The following GRK6 variants were observed in gnomAD, a reference collection of about 807,000 sequenced individuals.
GRK6 encodes the protein G protein-coupled receptor kinase 6.
In GRK6, 37 loss-of-function variants were observed where a neutral mutation model predicts 80.8. The observed-to-expected ratio is 0.46, with a 90% CI of 0.35 to 0.60. The LOEUF (loss-of-function observed/expected upper bound fraction) is 0.60, where lower values mean the gene tolerates loss of function less well. Among genes scored for constraint, GRK6 ranks in the 20% least tolerant of loss-of-function variants. The probability of loss-of-function intolerance (pLI) is 0.00; values close to 1 mark genes in which losing one functional copy is unlikely to be tolerated. For missense variants in GRK6, 560 were observed against 784.6 expected, an observed-to-expected ratio of 0.71 and a Z score of 3.42; for synonymous variants, 295 against 320.9, an observed-to-expected ratio of 0.92 and a Z score of 0.86.
rs1432872546 is a variant in GRK6, at chr5:177,428,130, TTATCGAGCCCATGGG to T, written c.52+1234_52+1248del. Among the ~76,000 whole-genome samples the T allele has an allele frequency of 6.6e-6, 1 of 152,208 alleles. No homozygotes were observed. Among genetic ancestry groups the T allele is most frequent in the East Asian group, 1.9e-4 (1 of 5,198 alleles). ...GGGAGCCTGTCTTATCCCCTGTCCC[TTATCGAGCCCATGGG>T]CTAGGCCTTCCTCCCAGCCTCTGGG... On this transcript the variant is annotated intron_variant, in intron 1 of 15. Transcript: ENST00000355472. This position sits in a 1 kb window ranked among gnomAD's most constrained non-coding sequence, Gnocchi z 4.1.
intron 13 of GRK6, among the ~76,000 whole-genome samples, chr5:177,440,489 T>A (rs1329833797): frequency 6.6e-6 from 1 of 152,226 alleles, no homozygotes. Context: ...CAGTGAGGAA[T>A]AACGTACGCA....
intron 1 of GRK6, 59 bp from the exon 2 acceptor site, chr5:177,430,813 A>G (rs975134942): frequency 2.7e-6 from 4 of 1,476,646 alleles, no homozygotes; most frequent in East Asian, 4.5e-5. Flanking sequence ...CGCACTGAGG[A>G]CCCAGAGGCA....
chr5:177,429,525 G>A lies in GRK6; in HGVS notation c.53-1347G>A, dbSNP rs1196789376. On this transcript the variant is annotated intron_variant, in intron 1 of 15. Transcript: ENST00000355472. This position sits in a 1 kb window ranked among gnomAD's most constrained non-coding sequence, Gnocchi z 4.3. ...TGGGTGTCTGTTGCTCACTCACAGT[G>A]AAGCAATGACTGCAGGGCATGTTCG... 6.6e-6 allele frequency among the ~76,000 whole-genome samples: 1 copy of A among 152,166 alleles called. No homozygotes were observed. Among genetic ancestry groups the A allele is most frequent in the East Asian group, 1.9e-4 (1 of 5,196 alleles).
intron 5 of GRK6, 43 bp downstream of exon 5, chr5:177,432,849 G>A: frequency 1.4e-6 from 2 of 1,450,940 alleles, no homozygotes; most frequent in South Asian, 1.2e-5. Context: ...ATGCCCAGCG[G>A]AGGGGGCTTC....
In GRK6 at chr5:177,430,875, G is replaced by A. The variant is rs2127371348; in HGVS notation, c.56G>A (p.Gly19Asp). The change falls in exon 2 of 16, where the codon GGC becomes GAC. Residue 19 changes from glycine to aspartate, a missense_variant. Around this residue, in one of 3 missense-constraint regions of GRK6, gnomAD observed 189 missense variants for 230.2 expected, o/e 0.82. Transcript: ENST00000355472. Reference sequence around the variant, plus strand: ...CAGTGTCCTATTGCTCCCACAGGTGGCGGTGGAAATCGCAAAGGCAAAAGC... The same window carrying A: ...CAGTGTCCTATTGCTCCCACAGGTGACGGTGGAAATCGCAAAGGCAAAAGC... Reference protein sequence around the residue: ...NTVLLKAREGGGGNRKGKSKK... With the variant: ...NTVLLKAREGDGGNRKGKSKK... 1.2e-6 allele frequency: 2 copies of A among 1,613,958 alleles called. No homozygotes were observed. The highest frequency in any genetic ancestry group is 1.7e-6 in the Non-Finnish European group (2 of 1,179,876).
chr5:177,435,961 CT>C (rs1296536151), intron 11 of GRK6, 111 bp from the exon 12 acceptor site: 24 of 886,020 alleles, frequency 2.7e-5, no homozygotes, highest in Non-Finnish European at 4.1e-5. Flanking sequence ...AAGGTCCCCC[CT>C]GGCCAGCGGG....
At chr5:177,427,258 A>AC (rs1763711680) in intron 1 of GRK6, among the ~76,000 whole-genome samples, 1 of 152,128 alleles carries the variant, frequency 6.6e-6, no homozygotes, top group Admixed American at 6.5e-5. Context: ...AGGGGCCCAG[A>AC]CCCCAGCACC....
rs554000650 is a variant in GRK6, at chr5:177,429,041, G to A, written c.53-1831G>A. Among the ~76,000 whole-genome samples, 2 of 152,290 alleles carry A rather than the reference G, an allele frequency of 1.3e-5. No individual in the cohort carries two copies. The highest frequency in any genetic ancestry group is 1.9e-4 in the East Asian group (1 of 5,180). On this transcript the variant is annotated intron_variant, in intron 1 of 15. Transcript: ENST00000355472. The surrounding 1 kb of genome is among the most constrained non-coding windows in gnomAD (Gnocchi z 4.3). ...GCTTGGGTTGTGGCCATAGGGAGCT[G>A]GGTACGAATCCTGTACCCAGGATTG...
intron 1 of GRK6, among the ~76,000 whole-genome samples, chr5:177,427,716 G>C (rs1367163364): frequency 1.3e-5 from 2 of 152,162 alleles, no homozygotes; most frequent in African/African-American, 4.8e-5. Flanking sequence ...TCAGTAACAT[G>C]ATCACTGACC....
In GRK6 at chr5:177,433,239, G is replaced by C. The variant is rs764091020; in HGVS notation, c.533G>C (p.Arg178Thr). ...NRFLQWKWLE[R>T]QPVTKNTFRQ... ...TTCCTGCAGTGGAAGTGGCTGGAAA[G>C]GTGAGCTCCCTGAAGGCTGGGCCGG... Residue 178 changes from arginine (R) to threonine (T), a missense_variant and splice_region_variant, in exon 6 of 16, where the codon AGG (arginine) becomes ACG (threonine). By Grantham distance (71) the Arg-to-Thr change is moderately conservative. Coordinates refer to ENST00000355472, the MANE Select transcript of GRK6 (RefSeq NM_001004106.3). The C allele has an allele frequency of 1.2e-6, 2 of 1,614,152 alleles. No individual in the cohort carries two copies. The highest frequency in any genetic ancestry group is 1.7e-6 in the Non-Finnish European group (2 of 1,180,006).
chr5:177,436,723 G>A, intron 13 of GRK6, 193 bp downstream of exon 13: 1 of 595,644 alleles, frequency 1.7e-6, no homozygotes, highest in South Asian at 2.2e-5. Flanking sequence ...TGCCTGGATG[G>A]GGCTTGGAGC....
At chr5:177,426,539 G>A (rs891182210), upstream of GRK6, 1 of 151,800 alleles carries the variant, frequency 6.6e-6, no homozygotes. Context: ...TCCCCAGCTG[G>A]GGGGGCGGGG....
intron 14 of GRK6, 38 bp downstream of exon 14, chr5:177,440,875 G>A: frequency 6.2e-7 from 1 of 1,613,708 alleles, no homozygotes; most frequent in Non-Finnish European, 8.5e-7. Context: ...GGCTCCAGGA[G>A]GCTGCCCTGG....
rs200876617 is a variant in GRK6 at position 177,436,097 on chromosome 5, G to A, written c.1082G>A (p.Arg361Gln). The A allele has an allele frequency of 9.9e-6, 16 of 1,613,850 alleles. No homozygotes were observed. The highest frequency in any genetic ancestry group is 8.0e-5 in the African/African-American group (6 of 75,038). ...YMAPEVVKNE[R>Q]YTFSPDWWAL... Reference sequence around the variant, plus strand: ...GCTCCGGAGGTGGTGAAGAATGAACGGTACACGTTCAGCCCTGACTGGTGG... The same window carrying A: ...GCTCCGGAGGTGGTGAAGAATGAACAGTACACGTTCAGCCCTGACTGGTGG... The change falls in exon 12 of 16, where the codon CGG becomes CAG. Residue 361 changes from arginine to glutamine, a missense_variant. Physicochemically the swap from Arg to Gln is conservative, Grantham distance 43. Coordinates refer to ENST00000355472, the MANE Select transcript of GRK6 (RefSeq NM_001004106.3).
In GRK6 at chr5:177,433,198, C is replaced by T; in HGVS notation, c.492C>T (p.Ser164=). The T allele has an allele frequency of 1.9e-6, 3 of 1,614,210 alleles. No individual in the cohort carries two copies. The highest frequency in any genetic ancestry group is 2.5e-6 in the Non-Finnish European group (3 of 1,180,026). ...CCCCTTTTGCCGACTACCTCGACAGCATCTACTTCAACCGTTTCCTGCAGT... is the reference window on the plus strand; with the variant it reads ...CCCCTTTTGCCGACTACCTCGACAGTATCTACTTCAACCGTTTCCTGCAGT... ...SVAPFADYLD[S]IYFNRFLQWK... Residue 164 remains serine, a synonymous_variant, in exon 6 of 16, where the codon AGC becomes AGT. Coordinates refer to ENST00000355472, the MANE Select transcript of GRK6 (RefSeq NM_001004106.3).
At chr5:177,435,160 C>T (rs1581682500) in intron 11 of GRK6, 39 bp downstream of exon 11, 1 of 1,469,540 alleles carries the variant, frequency 6.8e-7, no homozygotes, top group Non-Finnish European at 9.4e-7. Flanking sequence ...CTCCTGGGTT[C>T]CCTCACTATC....
rs1309358090 is a variant in GRK6 at position 177,435,121 on chromosome 5, G to A, written c.1057G>A (p.Ala353Thr). ...GCGTGTGGGCACCGTGGGTTACATG[G>A]GTGAGTCTTCTCTGCCCGGCCCACT... ...KGRVGTVGYM[A>T]PEVVKNERYT... The change falls in exon 11 of 16, where the codon GCT becomes ACT. Residue 353 changes from alanine (A) to threonine (T), a missense_variant and splice_region_variant. By Grantham distance (58) the Ala-to-Thr change is moderately conservative. Transcript: ENST00000355472. 6.2e-7 allele frequency: 1 copy of A among 1,601,592 alleles called. No individual in the cohort carries two copies. Among genetic ancestry groups the A allele is most frequent in the Non-Finnish European group, 8.5e-7 (1 of 1,172,504 alleles).
At chr5:177,434,476 C>T (rs1561656322) in intron 9 of GRK6, among the ~76,000 whole-genome samples, 1 of 152,210 alleles carries the variant, frequency 6.6e-6, no homozygotes, top group Non-Finnish European at 1.5e-5. Context: ...GAGCTAAGTA[C>T]AGAGTGCCTG....
At chr5:177,435,990 C>T in intron 11 of GRK6, 83 bp from the exon 12 acceptor site, 1 of 1,186,162 alleles carries the variant, frequency 8.4e-7, no homozygotes, top group Non-Finnish European at 1.2e-6. Flanking sequence ...GTATCCCAGA[C>T]CTAACGTGCA....
Sources: gnomAD v4.1 joint callset for allele counts (sites outside exome capture counted in the v4.1 genomes callset) on GRCh38, gnomAD v4.1.1 for gene constraint, gnomAD v4.1.1 regional missense constraint, Gnocchi (gnomAD v3.1) non-coding constraint, MANE v1.5 for transcripts, NCBI Gene and HGNC (gene_info 2026-07-23, HGNC 2026-07-21) for gene names.